ESRRB: variants seen among roughly 807,000 people sequenced by gnomAD.
The protein encoded by ESRRB is estrogen related receptor beta.
A neutral mutation model predicts 46.0 loss-of-function variants in ESRRB; 16 were observed. The observed-to-expected ratio is 0.35, with a 90% CI of 0.24 to 0.53. ESRRB has a LOEUF of 0.53. Among genes scored for constraint, ESRRB ranks in the 20% least tolerant of loss-of-function variants. ESRRB has a pLI of 0.93. For missense variants in ESRRB, 488 were observed against 607.4 expected (o/e 0.80, Z 2.07); for synonymous variants, 246 against 259.6 (o/e 0.95, Z 0.50).
rs182412983 is a variant in ESRRB at position 76,332,623 on chromosome 14, A to T, written c.2+21707A>T. Among the ~76,000 whole-genome samples, 207 of 37,948 alleles carry T rather than the reference A, an allele frequency of 5.5e-3. 6 individuals carry two copies. Among genetic ancestry groups the T allele is most frequent in the African/African-American group, 0.025 (175 of 6,888 alleles). The allele number at this position is 37,948 out of a possible 152,430, so 24.9% of individuals were successfully genotyped here. A position where few individuals can be genotyped will look rare whatever the true frequency, so the allele number is the denominator to read the frequency against. On this transcript the variant is annotated intron_variant, in intron 1 of 6. Transcript: ENST00000512784. ...TATTATATATTTATATATTATATAAATATATATTATATATATTTATATATT... is the reference window on the plus strand; with the variant it reads ...TATTATATATTTATATATTATATAATTATATATTATATATATTTATATATT...
At chr14:76,370,458 C>T (rs1045903286), upstream of ESRRB, among the ~76,000 whole-genome samples, 9 of 151,878 alleles carry the variant, frequency 5.9e-5, no homozygotes, top group East Asian at 1.9e-4. Flanking sequence ...ATATGTGACA[C>T]GGACAAAAAT....
At chr14:76,475,125 G>A (rs908056727) in intron 3 of ESRRB, among the ~76,000 whole-genome samples, 5 of 151,954 alleles carry the variant, frequency 3.3e-5, no homozygotes, top group African/African-American at 7.2e-5. Flanking sequence ...TCCCAGCTAC[G>A]TGGGAGGCTG....
At chr14:76,406,438 T>A (rs1294689369) in intron 1 of ESRRB, among the ~76,000 whole-genome samples, 1 of 152,146 alleles carries the variant, frequency 6.6e-6, no homozygotes, top group Non-Finnish European at 1.5e-5. Flanking sequence ...TCTACTCAAA[T>A]GTCACATTGG....
At chr14:76,354,981 G>T (rs1280880169) in intron 1 of ESRRB, among the ~76,000 whole-genome samples, 1 of 152,118 alleles carries the variant, frequency 6.6e-6, no homozygotes, top group Non-Finnish European at 1.5e-5. Flanking sequence ...AGATTGCTGG[G>T]ATTACAGGCA....
chr14:76,357,397 A>G (rs1222855027), intron 1 of ESRRB, among the ~76,000 whole-genome samples: 2 of 152,258 alleles, frequency 1.3e-5, no homozygotes, highest in Non-Finnish European at 2.9e-5. Context: ...TGCATGAGAC[A>G]TGAGGAGGTT....
intron 1 of ESRRB, among the ~76,000 whole-genome samples, chr14:76,432,985 C>T (rs572693817): frequency 6.6e-6 from 1 of 152,114 alleles, no homozygotes; most frequent in African/African-American, 2.4e-5. Flanking sequence ...GGATTCCTTG[C>T]AAACTCTTAC....
rs565692197 is a variant in ESRRB, at chr14:76,424,984, G to A, written c.51-14357G>A. On this transcript the variant is annotated intron_variant, in intron 1 of 6. Transcript: ENST00000644823. ...ACTCCTGACCTCAAGCGATCTGCCC[G>A]CCTCAGCCTCCCTGAGGCTCACACC... Among the ~76,000 whole-genome samples the A allele has an allele frequency of 2.0e-4, 31 of 152,248 alleles. 1 individual carries two copies. Among genetic ancestry groups the A allele is most frequent in the African/African-American group, 7.5e-4 (31 of 41,562 alleles).
rs1884265531 is a variant in ESRRB, at chr14:76,347,440, ACACACACC to A, written c.2+36525_2+36532del. On this transcript the variant is annotated intron_variant, in intron 1 of 6. Transcript: ENST00000512784. ...GTGTGTGTGTGTGTGTGTGTCACAC[ACACACACC>A]GAGAAAACTAAATGAGAATTAAATG... 1.2e-4 allele frequency among the ~76,000 whole-genome samples: 4 copies of A among 33,722 alleles called. 1 individual carries two copies. Among genetic ancestry groups the A allele is most frequent in the African/African-American group, 2.8e-4 (4 of 14,046 alleles). The allele number at this position is 33,722 out of a possible 152,430, so 22.1% of individuals were successfully genotyped here.
rs1890486725 is a variant in ESRRB at position 76,497,724 on chromosome 14, G to A, written c.1121-490G>A. Among the ~76,000 whole-genome samples, 4 of 152,282 alleles carry A rather than the reference G, an allele frequency of 2.6e-5. 1 individual carries two copies. The South Asian group carries it at 8.3e-4, about 32-fold the overall frequency. On this transcript the variant is annotated intron_variant, in intron 6 of 6. Coordinates refer to ENST00000644823, the MANE Select transcript of ESRRB (RefSeq NM_001379180.1). Reference sequence around the variant, plus strand: ...CAGCGGCAGCTGCAGTGGTTGTCATGGTGATAGTAGTGATGGGGCTAGGGG... The same window carrying A: ...CAGCGGCAGCTGCAGTGGTTGTCATAGTGATAGTAGTGATGGGGCTAGGGG...
chr14:76,407,113 C>T (rs956619741), intron 1 of ESRRB, among the ~76,000 whole-genome samples: 1 of 152,204 alleles, frequency 6.6e-6, no homozygotes, highest in Non-Finnish European at 1.5e-5. Flanking sequence ...GCTGATGTGC[C>T]GTCGGCCCCA....
At position 76,485,694 on chromosome 14, in the gene ESRRB, A is replaced by G. The variant is rs117504446; in HGVS notation, c.850+2935A>G. Among the ~76,000 whole-genome samples, 84 of 150,840 alleles carry G rather than the reference A, an allele frequency of 5.6e-4. No homozygotes were observed. The East Asian group carries it at 0.012, about 21-fold the overall frequency. The stretch of plus-strand genomic sequence containing the variant: ...GAGAGAGAGAGAGAGCTGGTTGAGT[A>G]GGGAGGATAAAAGCTGGGGCCCACC... On this transcript the variant is annotated intron_variant, in intron 5 of 6. Coordinates refer to ENST00000644823, the MANE Select transcript of ESRRB (RefSeq NM_001379180.1).
At chr14:76,423,575 ACTC>A (rs1887068068) in intron 1 of ESRRB, among the ~76,000 whole-genome samples, 1 of 150,956 alleles carries the variant, frequency 6.6e-6, no homozygotes, top group Non-Finnish European at 1.5e-5. Flanking sequence ...GCGCTGGTGG[ACTC>A]CTCTTCTCGG....
chr14:76,400,132 A>AC (rs887962993), intron 1 of ESRRB, among the ~76,000 whole-genome samples: 65 of 151,928 alleles, frequency 4.3e-4, no homozygotes, highest in African/African-American at 1.6e-3. Flanking sequence ...AAGGATACAC[A>AC]CCCCCTCCTG....
intron 1 of ESRRB, among the ~76,000 whole-genome samples, chr14:76,315,934 A>T (rs1315826914): frequency 1.3e-5 from 2 of 152,068 alleles, no homozygotes; most frequent in African/African-American, 2.4e-5. Flanking sequence ...GTAGAAAGAG[A>T]ATTTTCTTAA....
chr14:76,456,038 GCACACACACACACACACACACACACA>G (rs60824171), intron 2 of ESRRB, among the ~76,000 whole-genome samples: 1 of 137,186 alleles, frequency 7.3e-6, no homozygotes, highest in African/African-American at 2.7e-5. Context: ...AGCGAAACTC[GCACACACACACACACACACACACACA>G]CACACACACA....
intron 1 of ESRRB, among the ~76,000 whole-genome samples, chr14:76,318,442 G>T (rs1883827857): frequency 6.6e-6 from 1 of 152,212 alleles, no homozygotes; most frequent in East Asian, 1.9e-4. Context: ...AACTGGAAGT[G>T]CTTGCCAGTT....
At chr14:76,398,248 A>T (rs932821127) in intron 1 of ESRRB, among the ~76,000 whole-genome samples, 1 of 152,186 alleles carries the variant, frequency 6.6e-6, no homozygotes, top group African/African-American at 2.4e-5. Context: ...CATATTCCAG[A>T]TGAGGAAATA....
rs554767900 is a variant in ESRRB, at chr14:76,377,448, C to T, written c.50+997C>T. 3.6e-3 allele frequency among the ~76,000 whole-genome samples: 544 copies of T among 152,282 alleles called. 2 individuals are homozygous for T. The highest frequency in any genetic ancestry group is 6.2e-3 in the Non-Finnish European group (422 of 68,022). On this transcript the variant is annotated intron_variant, in intron 1 of 6. Transcript: ENST00000644823. ...CCCTTGGGCGCTGCGCACCCCACGGCGCCCCCGGCGGGTGTCCCGGAGGCA... is the reference window on the plus strand; with the variant it reads ...CCCTTGGGCGCTGCGCACCCCACGGTGCCCCCGGCGGGTGTCCCGGAGGCA...
chr14:76,488,192 A>G (rs1204012797), intron 5 of ESRRB, among the ~76,000 whole-genome samples: 1 of 152,226 alleles, frequency 6.6e-6, no homozygotes, highest in Non-Finnish European at 1.5e-5. Context: ...AAGATGTCAA[A>G]TATCTCCCCC....
Sources: gnomAD v4.1 joint callset for allele counts (sites outside exome capture counted in the v4.1 genomes callset) on GRCh38, gnomAD v4.1.1 for gene constraint, MANE v1.5 for transcripts, NCBI Gene and HGNC (gene_info 2026-07-23, HGNC 2026-07-21) for gene names.